The following NKAIN2 variants were observed in gnomAD, a reference collection of about 807,000 sequenced individuals.
The protein encoded by NKAIN2 is sodium/potassium transporting ATPase interacting 2.
Under a neutral mutation model 32.6 loss-of-function variants are expected in NKAIN2, and 14 were observed. The observed-to-expected ratio is 0.43, with a 90% CI of 0.28 to 0.67. The LOEUF is 0.67. Ranked by LOEUF, NKAIN2 falls within the 30% of genes least tolerant of loss-of-function variation. The pLI is 0.17. For synonymous variants in NKAIN2, 80 were observed against 87.2 expected, an observed-to-expected ratio of 0.92 and a Z score of 0.46; for missense variants, 198 against 258.3, an observed-to-expected ratio of 0.77 and a Z score of 1.60.
intron 1 of NKAIN2, among the ~76,000 whole-genome samples, chr6:123,827,705 A>T (rs1279016876): frequency 3.9e-5 from 6 of 152,174 alleles, no homozygotes; most frequent in Admixed American, 3.9e-4. Flanking sequence ...AAACTCAGAA[A>T]TATTTAAAAA....
intron 2 of NKAIN2, among the ~76,000 whole-genome samples, chr6:124,300,552 A>G (rs1371384588): frequency 6.6e-6 from 1 of 152,220 alleles, no homozygotes; most frequent in Non-Finnish European, 1.5e-5. Context: ...GGTAACGGGC[A>G]GAGTTTGGAA....
chr6:124,541,157 G>A (rs1256841594), intron 3 of NKAIN2, among the ~76,000 whole-genome samples: 2 of 152,082 alleles, frequency 1.3e-5, no homozygotes, highest in Non-Finnish European at 2.9e-5. Context: ...CTGTCAGCCA[G>A]TATTTCTAAA....
At chr6:124,625,947 TTTA>T (rs1361619163) in intron 3 of NKAIN2, among the ~76,000 whole-genome samples, 4 of 151,442 alleles carry the variant, frequency 2.6e-5, no homozygotes, top group Non-Finnish European at 4.4e-5. Flanking sequence ...TTTTAAAAAT[TTTA>T]TTATTATTAT....
chr6:123,827,539 G>GATAT (rs1774198342), intron 1 of NKAIN2, among the ~76,000 whole-genome samples: 2 of 152,010 alleles, frequency 1.3e-5, no homozygotes, highest in African/African-American at 4.8e-5. Flanking sequence ...CAGTAATTTG[G>GATAT]ATATATATGT....
intron 2 of NKAIN2, among the ~76,000 whole-genome samples, chr6:124,314,592 G>C (rs1796859550): frequency 6.6e-6 from 1 of 152,142 alleles, no homozygotes; most frequent in African/African-American, 2.4e-5. Flanking sequence ...TAGCCCTTCA[G>C]AGTTGTGCCA....
intron 1 of NKAIN2, among the ~76,000 whole-genome samples, chr6:123,822,894 C>G (rs943342056): frequency 1.3e-5 from 2 of 152,142 alleles, no homozygotes; most frequent in African/African-American, 4.8e-5. Context: ...TCACTTAGAA[C>G]TTAGCACTCT....
chr6:124,015,997 C>A (rs909496356), intron 1 of NKAIN2, among the ~76,000 whole-genome samples: 1 of 152,002 alleles, frequency 6.6e-6, no homozygotes, highest in Non-Finnish European at 1.5e-5. Context: ...ATTCAGGAAT[C>A]AATTTATAGA....
intron 3 of NKAIN2, among the ~76,000 whole-genome samples, chr6:124,621,263 A>G (rs1265070146): frequency 6.6e-6 from 1 of 152,210 alleles, no homozygotes; most frequent in African/African-American, 2.4e-5. Context: ...GGATACTAAT[A>G]TTTATAAAGT....
intron 3 of NKAIN2, among the ~76,000 whole-genome samples, chr6:124,538,181 A>G (rs1253951181): frequency 2.0e-5 from 3 of 151,526 alleles, no homozygotes; most frequent in African/African-American, 7.3e-5. Flanking sequence ...CTTACAGTCC[A>G]TCTTTTCCTC....
chr6:124,001,542 A>T (rs1362094090), intron 1 of NKAIN2, among the ~76,000 whole-genome samples: 1 of 151,858 alleles, frequency 6.6e-6, no homozygotes, highest in Admixed American at 6.6e-5. Context: ...TCTGGTTTTT[A>T]AAAAAATCAT....
intron 3 of NKAIN2, among the ~76,000 whole-genome samples, chr6:124,544,431 T>C (rs1269703974): frequency 6.7e-6 from 1 of 149,400 alleles, no homozygotes; most frequent in Non-Finnish European, 1.5e-5. Context: ...TCCTCCCCTT[T>C]AGCAGGTACA....
intron 3 of NKAIN2, among the ~76,000 whole-genome samples, chr6:124,367,200 T>G (rs1237656824): frequency 6.6e-6 from 1 of 152,132 alleles, no homozygotes; most frequent in Non-Finnish European, 1.5e-5. Context: ...ATAAAACAAA[T>G]GCAATAAGTT....
At chr6:124,745,342 G>C (rs1428891043) in intron 4 of NKAIN2, among the ~76,000 whole-genome samples, 1 of 151,774 alleles carries the variant, frequency 6.6e-6, no homozygotes, top group East Asian at 1.9e-4. Flanking sequence ...CACCTAGTGG[G>C]ATTTTAATGT....
intron 2 of NKAIN2, among the ~76,000 whole-genome samples, chr6:124,336,432 A>G (rs1157866539): frequency 6.6e-6 from 1 of 152,090 alleles, no homozygotes; most frequent in Non-Finnish European, 1.5e-5. Context: ...CAAGGAAAGG[A>G]GCTTTTTTCT....
chr6:124,473,078 G>A (rs748095305), intron 3 of NKAIN2, among the ~76,000 whole-genome samples: 87 of 152,122 alleles, frequency 5.7e-4, no homozygotes, highest in Admixed American at 1.4e-3. Flanking sequence ...AAAGGAAAGC[G>A]CCCAAATTTA....
chr6:124,366,937 A>T lies in NKAIN2; in HGVS notation c.273+11590A>T, dbSNP rs1005661068. On this transcript the variant is annotated intron_variant, in intron 3 of 6. Coordinates refer to ENST00000368417, the MANE Select transcript of NKAIN2 (RefSeq NM_001040214.3). Reference sequence around the variant, plus strand: ...AGTGAGACCCTGTCTCGAAAAAAAAAAAAAAAAGTAATAAGAATTTTAAAA... The same window carrying T: ...AGTGAGACCCTGTCTCGAAAAAAAATAAAAAAAGTAATAAGAATTTTAAAA... Among the ~76,000 whole-genome samples, 5 of 152,170 alleles carry T rather than the reference A, an allele frequency of 3.3e-5. No individual in the cohort carries two copies. The South Asian group carries it at 1.0e-3, about 32-fold the overall frequency.
intron 1 of NKAIN2, among the ~76,000 whole-genome samples, chr6:123,940,283 T>C (rs114675512): frequency 4.0e-4 from 61 of 151,886 alleles, no homozygotes; most frequent in African/African-American, 1.4e-3. Flanking sequence ...CTTACATGTA[T>C]TTTATGTGTG....
intron 2 of NKAIN2, among the ~76,000 whole-genome samples, chr6:124,342,604 T>C (rs1456643542): frequency 6.6e-6 from 1 of 151,620 alleles, no homozygotes; most frequent in African/African-American, 2.4e-5. Flanking sequence ...AACTCCAGGG[T>C]TCAAGAGATC....
At chr6:124,178,128 C>G (rs1789252186) in intron 1 of NKAIN2, among the ~76,000 whole-genome samples, 2 of 152,106 alleles carry the variant, frequency 1.3e-5, no homozygotes, top group Middle Eastern at 6.8e-3. Flanking sequence ...CAAAAAGGTG[C>G]CATGTAAGAA....
Sources: allele counts gnomAD v4.1 joint callset (sites outside exome capture counted in the v4.1 genomes callset), GRCh38; gene constraint gnomAD v4.1.1; transcripts MANE v1.5; gene names NCBI Gene and HGNC (gene_info 2026-07-23, HGNC 2026-07-21).